SRPK1: variants seen among roughly 807,000 people sequenced by gnomAD.
SRPK1 encodes the protein SFRS protein kinase 1.
Under a neutral mutation model 89.5 loss-of-function variants are expected in SRPK1, and 52 were observed. The ratio of observed to expected loss-of-function variants is 0.58; its 90% CI spans 0.46 to 0.73. SRPK1 has a LOEUF of 0.73. Among genes scored for constraint, SRPK1 ranks in the 30% least tolerant of loss-of-function variants. SRPK1 has a pLI of 0.00. For missense variants in SRPK1, 603 were observed against 780.6 expected (o/e 0.77, Z 2.71); for synonymous variants, 255 against 270.2 (o/e 0.94, Z 0.55).
chr6:35,859,388 AAAAAAAG>A (rs1222786899), intron 12 of SRPK1, among the ~76,000 whole-genome samples: 9 of 152,144 alleles, frequency 5.9e-5, no homozygotes, highest in Non-Finnish European at 1.3e-4. Flanking sequence ...ATTGATAAGC[AAAAAAAG>A]AAAAAAGAAT....
At chr6:35,908,629 C>T (rs1342256498) in intron 2 of SRPK1, among the ~76,000 whole-genome samples, 1 of 152,004 alleles carries the variant, frequency 6.6e-6, no homozygotes, top group Admixed American at 6.5e-5. Context: ...AAAAGTGAAA[C>T]AAAGAATAAA....
intron 5 of SRPK1, 107 bp from the exon 6 acceptor site, chr6:35,886,918 T>C: frequency 3.1e-6 from 2 of 638,842 alleles, no homozygotes; most frequent in Non-Finnish European, 5.6e-6. Flanking sequence ...AGAGCTCACA[T>C]AAATCTATTT....
chr6:35,883,342 T>C (rs916015962), intron 6 of SRPK1, among the ~76,000 whole-genome samples: 32 of 152,178 alleles, frequency 2.1e-4, no homozygotes, highest in African/African-American at 6.7e-4. Context: ...TGAGCCGAGA[T>C]TGCGCCATTG....
chr6:35,920,498 G>C lies in SRPK1; in HGVS notation c.44C>G (p.Thr15Ser). The C allele has an allele frequency of 3.7e-6, 6 of 1,613,452 alleles. No individual in the cohort carries two copies. Among genetic ancestry groups the C allele is most frequent in the Non-Finnish European group, 5.1e-6 (6 of 1,179,536 alleles). ...TTGGGCTTTGTCCTTCTTGGCCTTG[G>C]TCCTTTTCTTTCGGGCCTGGAGCGC... ...VLALQARKKR[T>S]KAKKDKAQRK... Residue 15 changes from threonine to serine, a missense_variant, in exon 2 of 16, where the codon ACC (threonine) becomes AGC (serine). Coordinates refer to ENST00000373825, the MANE Select transcript of SRPK1 (RefSeq NM_003137.5).
intron 2 of SRPK1, among the ~76,000 whole-genome samples, chr6:35,915,519 T>G (rs1771070653): frequency 6.6e-6 from 1 of 151,968 alleles, no homozygotes; most frequent in Admixed American, 6.6e-5. Context: ...AAATAATCAC[T>G]GATGTAAGCA....
At position 35,869,205 on chromosome 6, in the gene SRPK1, G is replaced by T. The variant is rs112353853; in HGVS notation, c.1412-95C>A. The T allele has an allele frequency of 4.6e-5, 49 of 1,056,402 alleles. No homozygotes were observed. In the African/African-American group the frequency reaches 7.0e-4, roughly 15 times the overall value. 65.4% of individuals were successfully genotyped at this position (1,056,402 alleles called of 1,614,324 possible). A position where few individuals can be genotyped will look rare whatever the true frequency, so the allele number is the denominator to read the frequency against. Reference sequence around the variant, plus strand: ...CTCCAAGGTAAGAGTAATACAGTCAGCAATACCCAAGTGACAACTTACATT... The same window carrying T: ...CTCCAAGGTAAGAGTAATACAGTCATCAATACCCAAGTGACAACTTACATT... On this transcript the variant is annotated intron_variant, in intron 11 of 15. Transcript: ENST00000373825.
chr6:35,880,673 T>C (rs1371579055), intron 6 of SRPK1, among the ~76,000 whole-genome samples: 3 of 129,178 alleles, frequency 2.3e-5, no homozygotes, highest in Non-Finnish European at 3.1e-5. Context: ...TGAGCGGAGA[T>C]TGCACCACTG....
chr6:35,892,056 C>T (rs1006813240), intron 2 of SRPK1, among the ~76,000 whole-genome samples: 1 of 152,134 alleles, frequency 6.6e-6, no homozygotes, highest in Non-Finnish European at 1.5e-5. Flanking sequence ...TGCTTCGCTT[C>T]TAATGATTTT....
At position 35,876,637 on chromosome 6, in the gene SRPK1, G is replaced by A. The variant is rs538601655; in HGVS notation, c.479-2298C>T. 4.6e-5 allele frequency among the ~76,000 whole-genome samples: 7 copies of A among 152,166 alleles called. No individual in the cohort carries two copies. The East Asian group carries it at 7.7e-4, about 17-fold the overall frequency. ...AGCCTGAGTGACACAGTGACACCCC[G>A]TCACAAAAACAACAAACAAAAAACC... On this transcript the variant is annotated intron_variant, in intron 6 of 15. Coordinates refer to ENST00000373825, the MANE Select transcript of SRPK1 (RefSeq NM_003137.5).
At chr6:35,874,206 A>G in intron 7 of SRPK1, 27 bp downstream of exon 7, 2 of 1,495,386 alleles carry the variant, frequency 1.3e-6, no homozygotes. Flanking sequence ...GTCAAGACTA[A>G]GATACTTGCT....
rs559440434 is a variant in SRPK1 at position 35,876,420 on chromosome 6, T to C, written c.479-2081A>G. On this transcript the variant is annotated intron_variant, in intron 6 of 15. Transcript: ENST00000373825. ...GGGAGGCCGAGACAGATAGATCCCTTGAGCCCAGGAGTTCAAGAAGACCAG... is the reference window on the plus strand; with the variant it reads ...GGGAGGCCGAGACAGATAGATCCCTCGAGCCCAGGAGTTCAAGAAGACCAG... Among the ~76,000 whole-genome samples the C allele has an allele frequency of 3.3e-5, 5 of 152,278 alleles. No homozygotes were observed. The East Asian group carries it at 7.7e-4, about 24-fold the overall frequency.
At chr6:35,915,073 G>C (rs1771058160) in intron 2 of SRPK1, among the ~76,000 whole-genome samples, 2 of 152,150 alleles carry the variant, frequency 1.3e-5, no homozygotes, top group African/African-American at 4.8e-5. Context: ...CAGGATTACA[G>C]GCTTGAGCCA....
At chr6:35,874,046 C>T (rs1392561879) in intron 7 of SRPK1, among the ~76,000 whole-genome samples, 187 bp downstream of exon 7, 1 of 151,574 alleles carries the variant, frequency 6.6e-6, no homozygotes, top group Non-Finnish European at 1.5e-5. Context: ...CCAGGATGGT[C>T]TTGATCTCCT....
chr6:35,836,893 G>A (rs530400763), intron 15 of SRPK1, among the ~76,000 whole-genome samples: 169 of 152,042 alleles, frequency 1.1e-3, no homozygotes, highest in Non-Finnish European at 1.9e-3. Flanking sequence ...ACATGAGGAG[G>A]AACTCTTATG....
At position 35,892,686 on chromosome 6, in the gene SRPK1, C is replaced by CG. The variant is rs1561989619; in HGVS notation, c.75-1674_75-1673insC. Among the ~76,000 whole-genome samples, 587 of 136,428 alleles carry CG rather than the reference C, an allele frequency of 4.3e-3. 2 individuals carry two copies. The highest frequency in any genetic ancestry group is 0.016 in the African/African-American group (558 of 35,164). 89.5% of individuals were successfully genotyped at this position (136,428 alleles called of 152,430 possible). ...ACAACAACAACAACAACAACAACAA[C>CG]AACGACAACAACACAAAACAAAACA... is the stretch of plus-strand genomic sequence containing the variant. On this transcript the variant is annotated intron_variant, in intron 2 of 15. Coordinates refer to ENST00000373825, the MANE Select transcript of SRPK1 (RefSeq NM_003137.5).
intron 10 of SRPK1, 137 bp from the exon 11 acceptor site, chr6:35,870,038 A>G (rs2127245371): frequency 2.7e-6 from 3 of 1,093,716 alleles, no homozygotes; most frequent in East Asian, 2.5e-5. Context: ...TCTAAAACCT[A>G]TTTCCGGAAG....
At chr6:35,877,113 G>A (rs2127251028) in intron 6 of SRPK1, among the ~76,000 whole-genome samples, 2 of 152,296 alleles carry the variant, frequency 1.3e-5, no homozygotes, top group East Asian at 3.9e-4. Context: ...TTCGCATAGG[G>A]CTTGGAACAG....
At chr6:35,906,040 C>T (rs1221962950) in intron 2 of SRPK1, among the ~76,000 whole-genome samples, 2 of 151,988 alleles carry the variant, frequency 1.3e-5, no homozygotes, top group African/African-American at 2.4e-5. Context: ...ACAGCTATTT[C>T]CTAGCCGGGG....
intron 2 of SRPK1, among the ~76,000 whole-genome samples, chr6:35,918,763 T>C (rs1401518021): frequency 6.6e-6 from 1 of 152,214 alleles, no homozygotes; most frequent in Non-Finnish European, 1.5e-5. Context: ...GGGTAACAGA[T>C]ACACATCTGA....
Sources: gnomAD v4.1 joint callset for allele counts (sites outside exome capture counted in the v4.1 genomes callset) on GRCh38, gnomAD v4.1.1 for gene constraint, MANE v1.5 for transcripts, NCBI Gene and HGNC (gene_info 2026-07-23, HGNC 2026-07-21) for gene names.